Variants in JMY observed in about 807,000 individuals in gnomAD.
JMY encodes junction-mediating and -regulatory protein.
Under a neutral mutation model 103.3 loss-of-function variants are expected in JMY, and 46 were observed. The observed-to-expected ratio is 0.45, with a 90% confidence interval of 0.35 to 0.57. JMY has a LOEUF of 0.57. Ranked by LOEUF, JMY falls within the 20% of genes least tolerant of loss-of-function variation. The pLI is 0.00. For synonymous variants in JMY, 526 were observed against 489.3 expected (o/e 1.07, Z -0.99); for missense variants, 1,238 against 1,255.2 (o/e 0.99, Z 0.21).
intron 7 of JMY, among the ~76,000 whole-genome samples, chr5:79,308,335 G>A (rs756272388): frequency 2.6e-5 from 4 of 152,194 alleles, no homozygotes; most frequent in Non-Finnish European, 5.9e-5. Context: ...TCTTTTAGGA[G>A]TTTTATAGTT....
intron 6 of JMY, among the ~76,000 whole-genome samples, chr5:79,301,287 T>C (rs1325543419): frequency 2.6e-5 from 4 of 152,220 alleles, no homozygotes; most frequent in Non-Finnish European, 5.9e-5. Flanking sequence ...GAAATGTGAT[T>C]CTTCCTGTGT....
chr5:79,265,293 A>G (rs188949366), intron 1 of JMY, among the ~76,000 whole-genome samples: 119 of 152,352 alleles, frequency 7.8e-4, no homozygotes, highest in African/African-American at 2.8e-3. Flanking sequence ...TTGACTACAT[A>G]ATTTATATAA....
At chr5:79,288,424 G>T (rs1746329876) in intron 2 of JMY, among the ~76,000 whole-genome samples, 1 of 151,700 alleles carries the variant, frequency 6.6e-6, no homozygotes, top group Non-Finnish European at 1.5e-5. Flanking sequence ...CCTCAATGAA[G>T]TTTGTCCTCA....
At chr5:79,276,484 C>G (rs1207997503) in intron 1 of JMY, among the ~76,000 whole-genome samples, 1 of 152,006 alleles carries the variant, frequency 6.6e-6, no homozygotes, top group Non-Finnish European at 1.5e-5. Context: ...GGCTGCAGTT[C>G]TGTGGCACAA....
chr5:79,240,247 C>G (rs1744692612), intron 1 of JMY, among the ~76,000 whole-genome samples: 1 of 152,080 alleles, frequency 6.6e-6, no homozygotes, highest in Non-Finnish European at 1.5e-5. Flanking sequence ...AACTCCTGAC[C>G]TGGTGATCCG....
chr5:79,315,019 CAG>C (rs1747173716), intron 9 of JMY, among the ~76,000 whole-genome samples, 168 bp downstream of exon 9: 1 of 152,152 alleles, frequency 6.6e-6, no homozygotes, highest in Non-Finnish European at 1.5e-5. Context: ...ATAAAGTACA[CAG>C]AAATGTATGC....
intron 6 of JMY, 139 bp from the exon 7 acceptor site, chr5:79,306,236 C>G: frequency 1.6e-6 from 1 of 616,492 alleles, no homozygotes. Context: ...CTTCAGTTGT[C>G]CAAATAAGAA....
At chr5:79,293,329 A>G (rs16876620) in intron 4 of JMY, among the ~76,000 whole-genome samples, 5,676 of 152,278 alleles carry the variant, frequency 0.037, 346 homozygotes, top group African/African-American at 0.13. Context: ...TTGACTTGAA[A>G]GAATTAACTG....
chr5:79,318,180 T>C (rs939857821), intron 10 of JMY, among the ~76,000 whole-genome samples: 1 of 150,952 alleles, frequency 6.6e-6, no homozygotes, highest in African/African-American at 2.4e-5. Context: ...TTTTCTTTTT[T>C]TTTTTTGTAT....
chr5:79,237,087 C>A lies in JMY; in HGVS notation c.437C>A (p.Ala146Asp). Residue 146 changes from alanine (A) to aspartate (D), a missense_variant, in exon 1 of 11, where the codon GCC becomes GAC. Coordinates refer to ENST00000396137, the MANE Select transcript of JMY (RefSeq NM_152405.5). ...AGTCGTCTTAGGAGCCCAGTGCGGG[C>A]CAAACCCATCCCGGGTCAGAAAACA... ...AESRLRSPVR[A>D]KPIPGQKTSE... The A allele has an allele frequency of 6.5e-7, 1 of 1,546,960 alleles. No homozygotes were observed. Among genetic ancestry groups the A allele is most frequent in the South Asian group, 1.2e-5 (1 of 83,966 alleles).
chr5:79,288,693 T>C lies in JMY; in HGVS notation c.1207-1428T>C, dbSNP rs534766850. Among the ~76,000 whole-genome samples the C allele has an allele frequency of 5.3e-5, 8 of 152,068 alleles. No homozygotes were observed. In the South Asian group the frequency reaches 1.7e-3, roughly 32 times the overall value. ...ACTTTTTTTTTTGTTTTTTTGGTATTCTAATTCTTTTTGTTTTGTTTTGTT... is the reference window on the plus strand; with the variant it reads ...ACTTTTTTTTTTGTTTTTTTGGTATCCTAATTCTTTTTGTTTTGTTTTGTT... On this transcript the variant is annotated intron_variant, in intron 2 of 10. Coordinates refer to ENST00000396137, the MANE Select transcript of JMY (RefSeq NM_152405.5).
At chr5:79,283,540 C>T (rs1561303489) in intron 2 of JMY, among the ~76,000 whole-genome samples, 1 of 152,146 alleles carries the variant, frequency 6.6e-6, no homozygotes, top group South Asian at 2.1e-4. Flanking sequence ...CCTGCCTACC[C>T]AGCATTATTT....
intron 1 of JMY, among the ~76,000 whole-genome samples, chr5:79,275,356 T>C (rs910237670): frequency 6.6e-6 from 1 of 152,048 alleles, no homozygotes. Context: ...AGAGACGGGG[T>C]TTCACCATGT....
intron 6 of JMY, among the ~76,000 whole-genome samples, chr5:79,302,070 T>G: frequency 1.9e-5 from 2 of 104,772 alleles, no homozygotes; most frequent in Admixed American, 1.3e-4. Context: ...ACAACAAGAG[T>G]GAAACTCCGT....
intron 10 of JMY, among the ~76,000 whole-genome samples, chr5:79,319,214 A>C (rs1747357954): frequency 6.6e-6 from 1 of 152,210 alleles, no homozygotes; most frequent in Admixed American, 6.5e-5. Flanking sequence ...ATTTAGCCTT[A>C]GTATCAGATG....
At chr5:79,292,399 C>A (rs1036640697) in intron 4 of JMY, among the ~76,000 whole-genome samples, 3 of 152,008 alleles carry the variant, frequency 2.0e-5, no homozygotes, top group African/African-American at 7.2e-5. Flanking sequence ...TCACTGCAGC[C>A]CTGACCTCTT....
chr5:79,322,183 C>T lies in JMY; in HGVS notation c.*581C>T, dbSNP rs1042228028. Reference sequence around the variant, plus strand: ...GATTTTTCATAAAGATGTTCAGCAACATCTGAAAAGCTGCATTTATGGAGA... The same window carrying T: ...GATTTTTCATAAAGATGTTCAGCAATATCTGAAAAGCTGCATTTATGGAGA... On this transcript the variant is annotated 3_prime_UTR_variant, in exon 11 of 11. Coordinates refer to ENST00000396137, the MANE Select transcript of JMY (RefSeq NM_152405.5). The T allele has an allele frequency of 1.3e-5, 2 of 152,154 alleles. No homozygotes were observed. The highest frequency in any genetic ancestry group is 4.8e-5 in the African/African-American group (2 of 41,430). 9.4% of individuals were successfully genotyped at this position (152,154 alleles called of 1,614,324 possible).
intron 1 of JMY, among the ~76,000 whole-genome samples, chr5:79,257,324 T>C (rs1252499458): frequency 1.3e-5 from 2 of 152,170 alleles, no homozygotes; most frequent in Non-Finnish European, 2.9e-5. Flanking sequence ...AATCAGAGGC[T>C]GGACATGGTG....
At chr5:79,281,211 A>C (rs1447978794) in intron 2 of JMY, among the ~76,000 whole-genome samples, 1 of 151,242 alleles carries the variant, frequency 6.6e-6, no homozygotes, top group Non-Finnish European at 1.5e-5. Context: ...CACCCGGCTA[A>C]TTTTTTGTAT....
Sources: gnomAD v4.1 joint callset for allele counts (sites outside exome capture counted in the v4.1 genomes callset) on GRCh38, gnomAD v4.1.1 for gene constraint, MANE v1.5 for transcripts, NCBI Gene and HGNC (gene_info 2026-07-23, HGNC 2026-07-21) for gene names.